The following AR variants were observed in gnomAD, a reference collection of about 807,000 sequenced individuals.
AR encodes the protein androgen receptor, also known as dihydrotestosterone receptor.
AR carries 8 observed loss-of-function variants against 53.9 expected under a neutral mutation model. The observed-to-expected ratio is 0.15, with a 90% CI of 0.09 to 0.27. The LOEUF (loss-of-function observed/expected upper bound fraction) is 0.27, where lower values mean the gene tolerates loss of function less well. Among genes scored for constraint, AR ranks in the 10% least tolerant of loss-of-function variants. The pLI is 1.00. For missense variants in AR, 639 were observed against 742.5 expected, an observed-to-expected ratio of 0.86 and a Z score of 1.62; for synonymous variants, 359 against 316.4, an observed-to-expected ratio of 1.13 and a Z score of -1.43.
intron 1 of AR, among the ~76,000 whole-genome samples, chrX:67,597,115 G>A (rs1463245135): frequency 8.9e-6 from 1 of 111,950 alleles, no homozygotes; most frequent in African/African-American, 3.2e-5. Context: ...TTGAGCAGGA[G>A]TCAAAAACCT....
intron 5 of AR, among the ~76,000 whole-genome samples, chrX:67,720,547 C>A (rs1052532749): frequency 1.8e-5 from 2 of 111,970 alleles, no homozygotes; most frequent in African/African-American, 6.5e-5. Flanking sequence ...AGTGAAAGAG[C>A]TTGGAGCAAC....
chrX:67,628,741 T>G (rs183017489), intron 1 of AR, among the ~76,000 whole-genome samples: 45 of 112,036 alleles, frequency 4.0e-4, no homozygotes, highest in Non-Finnish European at 7.3e-4. Context: ...GCTTCCAGTT[T>G]TTGACCATTC....
At chrX:67,675,159 G>A (rs945966462) in intron 2 of AR, among the ~76,000 whole-genome samples, 10 of 109,028 alleles carry the variant, frequency 9.2e-5, no homozygotes, top group African/African-American at 2.7e-4. Flanking sequence ...GGCTGATGTA[G>A]TATCCAAATT....
At chrX:67,634,136 G>A (rs372510283) in intron 1 of AR, among the ~76,000 whole-genome samples, 5 of 111,436 alleles carry the variant, frequency 4.5e-5, no homozygotes, top group African/African-American at 1.6e-4. Context: ...GGGAAAATAT[G>A]GAGTAAGGGT....
chrX:67,608,027 T>G (rs1923709878), intron 1 of AR, among the ~76,000 whole-genome samples: 1 of 111,923 alleles, frequency 8.9e-6, no homozygotes, highest in African/African-American at 3.3e-5. Flanking sequence ...TGTCCAGGCA[T>G]AATAGTCTTA....
chrX:67,547,228 T>A (rs1403233697), intron 1 of AR, among the ~76,000 whole-genome samples: 1 of 111,418 alleles, frequency 9.0e-6, no homozygotes, highest in African/African-American at 3.3e-5. Context: ...ACCGGCCCAA[T>A]AGCTTCTCAG....
chrX:67,717,161 G>A (rs1379087085), intron 4 of AR, among the ~76,000 whole-genome samples: 4 of 111,399 alleles, frequency 3.6e-5, no homozygotes, highest in African/African-American at 9.8e-5. Flanking sequence ...CAATCCAATA[G>A]CAAAAGAAAA....
chrX:67,649,904 G>T (rs1436365196), intron 2 of AR, among the ~76,000 whole-genome samples: 1 of 111,765 alleles, frequency 8.9e-6, no homozygotes, highest in Non-Finnish European at 1.9e-5. Context: ...GTCAATTTTG[G>T]CTTTTGTTGC....
At chrX:67,648,230 C>CT (rs1382654860) in intron 2 of AR, among the ~76,000 whole-genome samples, 1 of 111,304 alleles carries the variant, frequency 9.0e-6, no homozygotes, top group Non-Finnish European at 1.9e-5. Flanking sequence ...GAAGAGGATA[C>CT]TTTTTTGTTT....
chrX:67,630,393 T>C (rs1347984197), intron 1 of AR, among the ~76,000 whole-genome samples: 1 of 111,815 alleles, frequency 8.9e-6, no homozygotes, highest in Non-Finnish European at 1.9e-5. Flanking sequence ...CATTATGTAA[T>C]GGCCTTCTTT....
At chrX:67,554,138 G>A (rs1270465219) in intron 1 of AR, among the ~76,000 whole-genome samples, 2 of 112,186 alleles carry the variant, frequency 1.8e-5, no homozygotes, top group Admixed American at 9.4e-5. Context: ...AAGAAGCCTA[G>A]TAAGGTTTGG....
At chrX:67,709,237 G>C (rs755603430) in intron 3 of AR, among the ~76,000 whole-genome samples, 1 of 112,273 alleles carries the variant, frequency 8.9e-6, no homozygotes, top group Non-Finnish European at 1.9e-5. Context: ...TGCCCCCAGA[G>C]GTGGAGTCTA....
intron 1 of AR, among the ~76,000 whole-genome samples, chrX:67,554,917 A>G (rs1241295102): frequency 1.9e-5 from 2 of 102,803 alleles, no homozygotes; most frequent in Non-Finnish European, 4.0e-5. Context: ...GGCTCCGTCA[A>G]AAAAAAAAAA....
chrX:67,686,408 C>G (rs1421984488), intron 3 of AR, among the ~76,000 whole-genome samples: 4 of 111,740 alleles, frequency 3.6e-5, no homozygotes, highest in African/African-American at 1.3e-4. Context: ...ATGCATCTGA[C>G]TGGGCAGGGC....
At chrX:67,679,990 A>T (rs2075923665) in intron 2 of AR, among the ~76,000 whole-genome samples, 1 of 112,164 alleles carries the variant, frequency 8.9e-6, no homozygotes, top group Admixed American at 9.5e-5. Context: ...ACCTTTAAAA[A>T]TTTTGAAATT....
intron 2 of AR, among the ~76,000 whole-genome samples, chrX:67,668,531 T>TA (rs1286764400): frequency 1.9e-5 from 2 of 108,098 alleles, no homozygotes; most frequent in African/African-American, 7.2e-5. Flanking sequence ...TTCCTTTTTT[T>TA]TATGTGTCTT....
chrX:67,644,854 CT>C (rs1299687493), intron 2 of AR, among the ~76,000 whole-genome samples: 2 of 111,582 alleles, frequency 1.8e-5, no homozygotes, highest in Non-Finnish European at 3.8e-5. Context: ...GCCCAGGGCC[CT>C]AATGTCTAGG....
At chrX:67,684,181 G>A (rs1475965246) in intron 2 of AR, among the ~76,000 whole-genome samples, 3 of 111,849 alleles carry the variant, frequency 2.7e-5, no homozygotes, top group African/African-American at 9.7e-5. Flanking sequence ...GGAATTGAAC[G>A]CACTAGAATT....
At chrX:67,615,014 A>G (rs1191511404) in intron 1 of AR, among the ~76,000 whole-genome samples, 1 of 110,963 alleles carries the variant, frequency 9.0e-6, no homozygotes, top group Non-Finnish European at 1.9e-5. Context: ...TCAGCAAATT[A>G]GAACATAGAT....
Sources: gnomAD v4.1 joint callset for allele counts (sites outside exome capture counted in the v4.1 genomes callset) on GRCh38, gnomAD v4.1.1 for gene constraint, MANE v1.5 for transcripts, NCBI Gene and HGNC (gene_info 2026-07-23, HGNC 2026-07-21) for gene names.